AAMDC: variants seen among roughly 807,000 people sequenced by gnomAD.
AAMDC encodes the protein mth938 domain-containing protein.
In AAMDC, 16 loss-of-function variants were observed where a neutral mutation model predicts 15.5. The ratio of observed to expected loss-of-function variants is 1.03; its 90% confidence interval spans 0.70 to 1.57. AAMDC has a LOEUF of 1.57. AAMDC is among the 40% of genes most tolerant of loss of function. AAMDC has a pLI of 0.00. For synonymous variants in AAMDC, 51 were observed against 51.6 expected (o/e 0.99, Z 0.05); for missense variants, 141 against 144.9 (o/e 0.97, Z 0.14).
rs1952582390 is a variant in AAMDC, at chr11:77,897,585, C to G, written c.329-2986C>G. ...GTGGGATCTCAGCTCACTGCAAGCT[C>G]CACCTCCTGGGTTCATGCCATTCTC... On this transcript the variant is annotated intron_variant, in intron 5 of 5. Coordinates refer to the AAMDC transcript ENST00000304716. Among the ~76,000 whole-genome samples, 3 of 151,008 alleles carry G rather than the reference C, an allele frequency of 2.0e-5. No homozygotes were observed. In the South Asian group the frequency reaches 6.2e-4, roughly 31 times the overall value.
chr11:77,834,446 T>G (rs983188846), intron 1 of AAMDC, among the ~76,000 whole-genome samples: 2 of 147,494 alleles, frequency 1.4e-5, no homozygotes, highest in Admixed American at 6.8e-5. Flanking sequence ...ATTTTGTTTT[T>G]TTTTTTTTTT....
At chr11:77,857,090 T>A (rs1167738094) in intron 2 of AAMDC, among the ~76,000 whole-genome samples, 1 of 152,234 alleles carries the variant, frequency 6.6e-6, no homozygotes, top group Non-Finnish European at 1.5e-5. Flanking sequence ...AAAAGATATG[T>A]AGGTTCTGCT....
chr11:77,898,890 T>C lies in AAMDC; in HGVS notation c.329-1681T>C, dbSNP rs1952648324. Among the ~76,000 whole-genome samples, 3 of 152,072 alleles carry C rather than the reference T, an allele frequency of 2.0e-5. No individual in the cohort carries two copies. In the South Asian group the frequency reaches 6.2e-4, roughly 31 times the overall value. On this transcript the variant is annotated intron_variant, in intron 5 of 5. Coordinates refer to the AAMDC transcript ENST00000304716. The stretch of plus-strand genomic sequence containing the variant: ...AAAAAATTAGCTGAGTGTGGTGACA[T>C]GTGCCTGTAGTCCCAGCTACTTGGG...
At chr11:77,844,578 T>G (rs940622793) in intron 2 of AAMDC, among the ~76,000 whole-genome samples, 10 of 152,052 alleles carry the variant, frequency 6.6e-5, no homozygotes, top group Admixed American at 3.9e-4. Flanking sequence ...CCCAGGCTGG[T>G]CTTGAACTCC....
At chr11:77,860,293 T>A (rs568752071) in intron 2 of AAMDC, among the ~76,000 whole-genome samples, 1 of 152,354 alleles carries the variant, frequency 6.6e-6, no homozygotes, top group African/African-American at 2.4e-5. Flanking sequence ...ATGGCCTGGC[T>A]ATTTCACCAT....
chr11:77,845,487 G>A (rs1423281021), intron 2 of AAMDC, among the ~76,000 whole-genome samples: 2 of 151,710 alleles, frequency 1.3e-5, no homozygotes, highest in East Asian at 1.9e-4. Context: ...CTGGAGTGCC[G>A]TGGCACAATT....
chr11:77,828,513 AAAAC>A (rs1949279203), intron 1 of AAMDC, among the ~76,000 whole-genome samples: 1 of 151,586 alleles, frequency 6.6e-6, no homozygotes, highest in African/African-American at 2.4e-5. Flanking sequence ...TAAAAATACA[AAAAC>A]AAAATTAGCC....
chr11:77,889,778 G>T (rs940902705), intron 5 of AAMDC, among the ~76,000 whole-genome samples: 1 of 152,152 alleles, frequency 6.6e-6, no homozygotes, highest in Non-Finnish European at 1.5e-5. Context: ...CCACGATGGG[G>T]CAGTGAGTTT....
chr11:77,852,224 C>CAAAAAAAAAAA lies in AAMDC; in HGVS notation c.132+9603_132+9613dup, dbSNP rs545742213. On this transcript the variant is annotated intron_variant, in intron 2 of 3. Transcript: ENST00000393427. The stretch of plus-strand genomic sequence containing the variant: ...TGGCCAACAGAATGAGACACTGTCT[C>CAAAAAAAAAAA]AAAAAAAAAAAAAAAAAGAAGAAGA... Among the ~76,000 whole-genome samples the CAAAAAAAAAAA allele has an allele frequency of 9.3e-4, 31 of 33,504 alleles. 4 individuals carry two copies. The East Asian group carries it at 0.015, about 16-fold the overall frequency. 22.0% of individuals were successfully genotyped at this position (33,504 alleles called of 152,430 possible). A position where few individuals can be genotyped will look rare whatever the true frequency, so the allele number is the denominator to read the frequency against.
intron 1 of AAMDC, 103 bp from the exon 2 acceptor site, chr11:77,842,375 AT>A: frequency 1.8e-6 from 2 of 1,091,998 alleles, no homozygotes; most frequent in Non-Finnish European, 2.6e-6. Flanking sequence ...AAATGAAAAG[AT>A]GCTTCTTAAA....
At chr11:77,826,659 C>A (rs1223235223) in intron 1 of AAMDC, among the ~76,000 whole-genome samples, 1 of 152,130 alleles carries the variant, frequency 6.6e-6, no homozygotes, top group Admixed American at 6.5e-5. Flanking sequence ...ACCCAGCAAC[C>A]GAACCTTTGA....
At chr11:77,868,823 G>T (rs553912328) in intron 2 of AAMDC, 1 of 210,414 alleles carries the variant, frequency 4.8e-6, no homozygotes, top group Non-Finnish European at 1.1e-5. Context: ...ATTTGAACCC[G>T]GGTACCTTTC....
chr11:77,904,784 A>G (rs781531027), downstream of AAMDC, among the ~76,000 whole-genome samples: 2 of 152,202 alleles, frequency 1.3e-5, no homozygotes, highest in Non-Finnish European at 2.9e-5. Flanking sequence ...CCTCACATCC[A>G]AATTCTGGGG....
intron 1 of AAMDC, among the ~76,000 whole-genome samples, chr11:77,835,175 A>C (rs1949628122): frequency 6.6e-6 from 1 of 152,226 alleles, no homozygotes; most frequent in Non-Finnish European, 1.5e-5. Context: ...AATAACATGC[A>C]AACAGAAGTA....
At chr11:77,849,708 T>C (rs936094130) in intron 2 of AAMDC, among the ~76,000 whole-genome samples, 2 of 152,232 alleles carry the variant, frequency 1.3e-5, no homozygotes, top group Non-Finnish European at 2.9e-5. Flanking sequence ...TAACACATAT[T>C]TGAAGACCTA....
At chr11:77,870,162 C>T (rs1392147523) in intron 3 of AAMDC, 1 of 151,698 alleles carries the variant, frequency 6.6e-6, no homozygotes. Context: ...GTTTTCCCCT[C>T]TTCAGAAAAA....
intron 5 of AAMDC, among the ~76,000 whole-genome samples, chr11:77,884,596 A>G (rs608389): frequency 0.38 from 57,476 of 152,014 alleles, 11,295 homozygotes; most frequent in African/African-American, 0.46. Flanking sequence ...TGCTCTATGT[A>G]AATATACTTA....
chr11:77,892,123 T>TA (rs1416370779), intron 5 of AAMDC, among the ~76,000 whole-genome samples: 1 of 152,238 alleles, frequency 6.6e-6, no homozygotes, highest in Non-Finnish European at 1.5e-5. Flanking sequence ...TTAGAATTTT[T>TA]ATTTTCGTAT....
At chr11:77,824,666 TAATCTGTGGCAATAGA>T (rs1013846185) in intron 1 of AAMDC, among the ~76,000 whole-genome samples, 12 of 152,154 alleles carry the variant, frequency 7.9e-5, no homozygotes, top group African/African-American at 2.9e-4. Context: ...AGGTCAAAAC[TAATCTGTGGCAATAGA>T]AATCAAAGTA....
Sources: allele counts gnomAD v4.1 joint callset (sites outside exome capture counted in the v4.1 genomes callset), GRCh38; gene constraint gnomAD v4.1.1; transcripts MANE v1.5; gene names NCBI Gene and HGNC (gene_info 2026-07-23, HGNC 2026-07-21).